TRANK1: variants seen among roughly 807,000 people sequenced by gnomAD.
TRANK1 encodes tetratricopeptide repeat and ankyrin repeat containing 1.
TRANK1 carries 198 observed loss-of-function variants against 266.0 expected under a neutral mutation model. The ratio of observed to expected loss-of-function variants is 0.74; its 90% CI spans 0.66 to 0.84. The LOEUF (loss-of-function observed/expected upper bound fraction) is 0.84. TRANK1 is among the 40% of genes least tolerant of loss of function. The pLI is 0.00. For synonymous variants in TRANK1, 1,396 were observed against 1,384.1 expected, an observed-to-expected ratio of 1.01 and a Z score of -0.19; for missense variants, 3,326 against 3,634.6, an observed-to-expected ratio of 0.92 and a Z score of 2.18.
Position 36,860,906 on chromosome 3 carries a change from C to G in TRANK1, c.1495G>C (p.Ala499Pro), listed in dbSNP as rs1189920061. Residue 499 changes from alanine (A) to proline (P), a missense_variant and splice_region_variant, in exon 11 of 24, where the codon GCC becomes CCC. Ala to Pro is a conservative substitution (Grantham distance 27). Transcript: ENST00000645898. ...QLLGCLIDSGALPDGLQESQE... is the reference protein window; with the variant it reads ...QLLGCLIDSGPLPDGLQESQE... ...ACGCTTAGCATCCAGTCACTCTCAC[C>G]TCCACTGTCTATCAGGCAGCCCAGA... The G allele has an allele frequency of 9.1e-6, 14 of 1,537,182 alleles. No homozygotes were observed. The highest frequency in any genetic ancestry group is 1.2e-5 in the Non-Finnish European group (14 of 1,146,908).
rs1191505153 is a variant in TRANK1, at chr3:36,857,974, T to A, written c.1748A>T (p.Asn583Ile). Residue 583 changes from asparagine to isoleucine, a missense_variant, in exon 13 of 24, where the codon AAC becomes ATC. Coordinates refer to ENST00000645898, the MANE Select transcript of TRANK1 (RefSeq NM_001329998.2). The surrounding 1 kb of genome is among the most constrained non-coding windows in gnomAD (Gnocchi z 4.3). ...WSNPTEFDYL[N>I]PNVQDSNGNT... ...CCCATTGCTGTCCTGGACATTGGGG[T>A]TGAGGTAGTCGAATTCAGTGGGGTT... 6.2e-7 allele frequency: 1 copy of A among 1,600,012 alleles called. No homozygotes were observed. The highest frequency in any genetic ancestry group is 8.5e-7 in the Non-Finnish European group (1 of 1,179,474).
chr3:36,880,384 T>C (rs367636813), intron 8 of TRANK1: 11 of 367,644 alleles, frequency 3.0e-5, no homozygotes, highest in African/African-American at 2.2e-4. Context: ...GCCAGCCCTC[T>C]TGGTTTCTCA....
intron 13 of TRANK1, among the ~76,000 whole-genome samples, chr3:36,853,294 T>C (rs1343387714): frequency 1.3e-5 from 2 of 152,158 alleles, no homozygotes; most frequent in East Asian, 3.8e-4. Flanking sequence ...TTCCTGGGTG[T>C]CTCCACTACT....
Position 36,846,258 on chromosome 3 carries a change from A to T in TRANK1, c.5181T>A (p.Asp1727Glu). Residue 1727 changes from aspartate (D) to glutamate (E), a missense_variant, in exon 17 of 24, where the codon GAT becomes GAA. By Grantham distance (45) the Asp-to-Glu change is conservative. Transcript: ENST00000645898. The stretch of plus-strand genomic sequence containing the variant: ...TTAACAGGATCTTACCTTTATTTTC[A>T]TCTGTCTTTACAACTTGGACAAAAT... ...RRDFVQVVKTDENKDFDDSMF... is the reference protein window; with the variant it reads ...RRDFVQVVKTEENKDFDDSMF... The T allele has an allele frequency of 6.3e-7, 1 of 1,592,260 alleles. No homozygotes were observed. Among genetic ancestry groups the T allele is most frequent in the Non-Finnish European group, 8.6e-7 (1 of 1,168,664 alleles).
Position 36,833,738 on chromosome 3 carries a change from A to G in TRANK1, c.5845T>C (p.Leu1949=). The change falls in exon 22 of 24, where the codon TTA becomes CTA. Residue 1949 remains leucine, a synonymous_variant. Coordinates refer to ENST00000645898, the MANE Select transcript of TRANK1 (RefSeq NM_001329998.2). ...QLVFLKSRKR[L]AEAADLLNRE... is the part of the protein sequence containing the mutation. ...TTCAGCAGGTCTGCAGCTTCTGCTA[A>G]GCGTTTCCGAGACTTCAAGAACACC... 1.2e-6 allele frequency: 2 copies of G among 1,614,030 alleles called. No individual in the cohort carries two copies. Among genetic ancestry groups the G allele is most frequent in the Non-Finnish European group, 1.7e-6 (2 of 1,179,896 alleles).
At chr3:36,915,801 G>A (rs1456785028) in intron 1 of TRANK1, among the ~76,000 whole-genome samples, 4 of 152,200 alleles carry the variant, frequency 2.6e-5, no homozygotes, top group Admixed American at 1.3e-4. Flanking sequence ...TGTTGGAATT[G>A]ACATTTAAGA....
chr3:36,838,164 C>T (rs912190353), intron 20 of TRANK1, among the ~76,000 whole-genome samples: 1 of 152,208 alleles, frequency 6.6e-6, no homozygotes, highest in Non-Finnish European at 1.5e-5. Context: ...AACACACACA[C>T]ACACACGCAC....
At chr3:36,850,537 G>C in intron 15 of TRANK1, 2 of 979,772 alleles carry the variant, frequency 2.0e-6, no homozygotes, top group Non-Finnish European at 2.4e-6. Context: ...GGGAGGCCAA[G>C]GCAGGAAGAT....
At chr3:36,886,129 GTTT>G (rs10563870) in intron 8 of TRANK1, among the ~76,000 whole-genome samples, 3,746 of 100,854 alleles carry the variant, frequency 0.037, 42 homozygotes, top group East Asian at 0.044. Context: ...TGTTGTTGTT[GTTT>G]TTTTTTTTTT....
chr3:36,862,801 G>A (rs553288186), intron 10 of TRANK1, among the ~76,000 whole-genome samples: 1 of 152,332 alleles, frequency 6.6e-6, no homozygotes, highest in South Asian at 2.1e-4. Flanking sequence ...AACTAGCAGA[G>A]AGCTCAGTTG....
intron 11 of TRANK1, among the ~76,000 whole-genome samples, chr3:36,859,226 A>C (rs1575215110): frequency 1.3e-5 from 2 of 148,554 alleles, no homozygotes; most frequent in African/African-American, 5.0e-5. Flanking sequence ...CTAACATCAT[A>C]CCTGACACAG....
At chr3:36,936,359 C>T (rs1042574131) in intron 1 of TRANK1, among the ~76,000 whole-genome samples, 6 of 151,838 alleles carry the variant, frequency 4.0e-5, no homozygotes, top group East Asian at 1.9e-4. Context: ...GTGGTGTATG[C>T]CTGTAGTCCC....
chr3:36,928,805 A>AT (rs2080323427), intron 1 of TRANK1, among the ~76,000 whole-genome samples: 2 of 152,232 alleles, frequency 1.3e-5, no homozygotes, highest in Non-Finnish European at 2.9e-5. Flanking sequence ...TTAAAAAAAA[A>AT]GTATTTTTAA....
rs577997233 is a variant in TRANK1, at chr3:36,855,930, T to C, written c.3792A>G (p.Arg1264=). The C allele has an allele frequency of 2.5e-5, 40 of 1,613,480 alleles. No individual in the cohort carries two copies. In the African/African-American group the frequency reaches 4.3e-4, roughly 17 times the overall value. The stretch of plus-strand genomic sequence containing the variant: ...TTCTTTTCAAGCTTCCATCTTCGTT[T>C]CTCAGAAAAAATGGTTTGGGCAGAG... ...DASLPKPFFL[R]NEDGSLKRTI... The change falls in exon 13 of 24, where the codon AGA becomes AGG. Residue 1264 remains arginine, a synonymous_variant. Coordinates refer to ENST00000645898, the MANE Select transcript of TRANK1 (RefSeq NM_001329998.2).
chr3:36,921,249 A>G (rs2080209200), intron 1 of TRANK1, among the ~76,000 whole-genome samples: 1 of 152,188 alleles, frequency 6.6e-6, no homozygotes. Flanking sequence ...AACCCTAGCC[A>G]ATAGGGAAAC....
At chr3:36,928,028 A>T (rs2080312249) in intron 1 of TRANK1, among the ~76,000 whole-genome samples, 1 of 152,204 alleles carries the variant, frequency 6.6e-6, no homozygotes, top group Admixed American at 6.6e-5. Context: ...ACAGGTTGTG[A>T]TGAGCAAACC....
intron 3 of TRANK1, among the ~76,000 whole-genome samples, chr3:36,901,780 CT>C (rs2079887185): frequency 6.6e-6 from 1 of 152,088 alleles, no homozygotes; most frequent in South Asian, 2.1e-4. Flanking sequence ...GGAAGTGGCC[CT>C]GGTTGCTGTG....
chr3:36,928,179 G>C (rs1388194360), intron 1 of TRANK1, among the ~76,000 whole-genome samples: 2 of 152,104 alleles, frequency 1.3e-5, no homozygotes, highest in African/African-American at 4.8e-5. Context: ...TAGAGCAAAG[G>C]CCTGCAAAAC....
chr3:36,855,871 G>A lies in TRANK1; in HGVS notation c.3851C>T (p.Thr1284Ile). 1.9e-6 allele frequency: 3 copies of A among 1,613,548 alleles called. No homozygotes were observed. The South Asian group carries it at 3.3e-5, about 18-fold the overall frequency. The change falls in exon 13 of 24, where the codon ACC (threonine) becomes ATC (isoleucine). Residue 1284 changes from threonine (T) to isoleucine (I), a missense_variant. Coordinates refer to ENST00000645898, the MANE Select transcript of TRANK1 (RefSeq NM_001329998.2). The stretch of plus-strand genomic sequence containing the variant: ...TTCATCCTCTTGCCAACTAGGAATG[G>A]TTGACTCTTCCTGTGCAGACCATCC... ...IIGWSAQEESTIPSWQEDEEE... is the reference protein window; with the variant it reads ...IIGWSAQEESIIPSWQEDEEE...
Sources: allele counts gnomAD v4.1 joint callset (sites outside exome capture counted in the v4.1 genomes callset), GRCh38; gene constraint gnomAD v4.1.1; non-coding constraint Gnocchi (gnomAD v3.1); transcripts MANE v1.5; gene names NCBI Gene and HGNC (gene_info 2026-07-23, HGNC 2026-07-21).